Variants in SEC16B observed in about 807,000 individuals in gnomAD.
The protein encoded by SEC16B is protein transport protein Sec16B.
SEC16B carries 115 observed loss-of-function variants against 141.8 expected under a neutral mutation model. The observed-to-expected ratio is 0.81, with a 90% CI of 0.70 to 0.95. The LOEUF is 0.95. Ranked by LOEUF, SEC16B falls within the 40% of genes least tolerant of loss-of-function variation. The probability of loss-of-function intolerance (pLI) is 0.00; values close to 1 mark genes in which losing one functional copy is unlikely to be tolerated. For missense variants in SEC16B, 1,291 were observed against 1,312.3 expected (o/e 0.98, Z 0.25); for synonymous variants, 493 against 492.5 (o/e 1.00, Z -0.01).
At chr1:177,939,289 C>T (rs1045074788) in intron 18 of SEC16B, among the ~76,000 whole-genome samples, 14 of 152,214 alleles carry the variant, frequency 9.2e-5, no homozygotes, top group African/African-American at 3.4e-4. Context: ...ATTCCACAAT[C>T]ATCTGGCAAT....
At chr1:177,952,262 C>A (rs753193775) in intron 11 of SEC16B, among the ~76,000 whole-genome samples, 1 of 152,180 alleles carries the variant, frequency 6.6e-6, no homozygotes, top group Non-Finnish European at 1.5e-5. Flanking sequence ...CTGGAATAAC[C>A]ATTTCTGTGG....
chr1:177,933,995 CAA>C (rs796164709), intron 20 of SEC16B, among the ~76,000 whole-genome samples: 24 of 144,574 alleles, frequency 1.7e-4, no homozygotes, highest in African/African-American at 4.4e-4. Context: ...AAGCTCCCCC[CAA>C]AAAAAAAAAA....
In SEC16B at chr1:177,937,477, C is replaced by A. The variant is rs763746605; in HGVS notation, c.2240G>T (p.Gly747Val). ...GCGGTACCCAGGGGCTTCAGAGTAG[C>A]CTTGACATCCAGAAAAGTCCTGGTA... ...TFYQDFSGCQ[G>V]YSEAPGYRSA... The change falls in exon 19 of 26, where the codon GGC becomes GTC. Residue 747 changes from glycine (G) to valine (V), a missense_variant. Gly to Val is a moderately radical substitution (Grantham distance 109). Around this residue, in one of 3 missense-constraint regions of SEC16B, gnomAD observed 605 missense variants for 614.1 expected, o/e 0.99. Coordinates refer to ENST00000308284, the MANE Select transcript of SEC16B (RefSeq NM_033127.4). The A allele has an allele frequency of 1.3e-6, 2 of 1,573,900 alleles. No individual in the cohort carries two copies. The highest frequency in any genetic ancestry group is 1.7e-6 in the Non-Finnish European group (2 of 1,161,280).
intron 17 of SEC16B, 66 bp from the exon 18 acceptor site, chr1:177,939,843 G>T: frequency 1.5e-6 from 2 of 1,302,062 alleles, no homozygotes; most frequent in Non-Finnish European, 2.1e-6. Flanking sequence ...GAGAAACAAA[G>T]TGATTCAAAA....
At chr1:177,967,292 G>A (rs1038741323) in intron 2 of SEC16B, among the ~76,000 whole-genome samples, 1 of 152,128 alleles carries the variant, frequency 6.6e-6, no homozygotes, top group South Asian at 2.1e-4. Context: ...ATGACAACGA[G>A]GAACTCCTTA....
At chr1:177,980,531 T>C (rs2102030995) in intron 1 of SEC16B, among the ~76,000 whole-genome samples, 1 of 152,212 alleles carries the variant, frequency 6.6e-6, no homozygotes. Context: ...TTATTGTGTA[T>C]TTCTTGAATA....
intron 3 of SEC16B, 151 bp downstream of exon 3, chr1:177,965,742 C>G (rs1227189015): frequency 3.8e-5 from 22 of 582,934 alleles, no homozygotes; most frequent in African/African-American, 5.6e-5. Flanking sequence ...CTCAGGACAT[C>G]TAGGAGGAGT....
rs556572050 is a variant in SEC16B, at chr1:177,934,205, T to C, written c.2572-569A>G. Among the ~76,000 whole-genome samples, 11 of 152,306 alleles carry C rather than the reference T, an allele frequency of 7.2e-5. No individual in the cohort carries two copies. In the South Asian group the frequency reaches 1.0e-3, roughly 14 times the overall value. On this transcript the variant is annotated intron_variant, in intron 20 of 25. Coordinates refer to ENST00000308284, the MANE Select transcript of SEC16B (RefSeq NM_033127.4). Reference sequence around the variant, plus strand: ...ATTTTAACTATTTTTAAATGTACAATTCAGTGGCAGTAAGTATACACACAG... The same window carrying C: ...ATTTTAACTATTTTTAAATGTACAACTCAGTGGCAGTAAGTATACACACAG...
chr1:177,953,514 G>A (rs1652364659), intron 11 of SEC16B, among the ~76,000 whole-genome samples: 1 of 152,130 alleles, frequency 6.6e-6, no homozygotes, highest in Non-Finnish European at 1.5e-5. Context: ...CCAACCTGTG[G>A]ATGCTAGGCG....
chr1:177,956,563 T>C (rs1652618123), intron 10 of SEC16B, among the ~76,000 whole-genome samples: 1 of 151,844 alleles, frequency 6.6e-6, no homozygotes, highest in Non-Finnish European at 1.5e-5. Flanking sequence ...ATTTTAATTT[T>C]TGAATTAAAT....
Position 177,964,237 on chromosome 1 carries a change from G to A in SEC16B, c.576C>T (p.Asn192=), listed in dbSNP as rs201996138. ...RNPCKDSPAS[N]SGQEWPGELF... The stretch of plus-strand genomic sequence containing the variant: ...GCTCCCCCGGCCACTCCTGTCCAGA[G>A]TTGGAAGCAGGGCTGTCTTTACAAG... Residue 192 remains asparagine, a synonymous_variant, in exon 5 of 26, where the codon AAC becomes AAT. Transcript: ENST00000308284. The A allele has an allele frequency of 2.4e-4, 395 of 1,613,630 alleles. No homozygotes were observed. The highest frequency in any genetic ancestry group is 8.3e-5 in the Admixed American group (5 of 59,996).
At chr1:177,956,294 T>G (rs2101967426) in intron 10 of SEC16B, among the ~76,000 whole-genome samples, 1 of 152,186 alleles carries the variant, frequency 6.6e-6, no homozygotes, top group East Asian at 1.9e-4. Flanking sequence ...ACCCCATGGC[T>G]TGCAAAATGT....
intron 17 of SEC16B, among the ~76,000 whole-genome samples, chr1:177,940,028 TA>T (rs1651160860): frequency 6.6e-6 from 1 of 152,036 alleles, no homozygotes; most frequent in Non-Finnish European, 1.5e-5. Flanking sequence ...TGGAAAGAAC[TA>T]AACTGTAGGC....
At chr1:177,953,003 A>ATT (rs59988344) in intron 11 of SEC16B, among the ~76,000 whole-genome samples, 35,110 of 127,818 alleles carry the variant, frequency 0.27, 5,686 homozygotes, top group East Asian at 0.6. Context: ...TGGAAGTGTC[A>ATT]TTTTTTTTTT....
chr1:177,969,676 A>C (rs1204446226), intron 1 of SEC16B, among the ~76,000 whole-genome samples: 1 of 152,174 alleles, frequency 6.6e-6, no homozygotes, highest in Non-Finnish European at 1.5e-5. Flanking sequence ...AACTCCAGCA[A>C]ATCAGTCCTC....
chr1:177,958,556 G>A (rs1025102188), intron 9 of SEC16B, 194 bp from the exon 10 acceptor site: 2 of 603,798 alleles, frequency 3.3e-6, no homozygotes, highest in African/African-American at 1.9e-5. Flanking sequence ...CTGCCTGTCA[G>A]GAGCCATAAA....
chr1:177,945,439 TG>T (rs1187590961), intron 14 of SEC16B: 5 of 152,248 alleles, frequency 3.3e-5, no homozygotes, highest in African/African-American at 1.2e-4. Context: ...ATTGTACATT[TG>T]GCACAGAAGG....
intron 2 of SEC16B, among the ~76,000 whole-genome samples, chr1:177,967,282 A>G (rs939192632): frequency 4.6e-5 from 7 of 152,182 alleles, no homozygotes; most frequent in Non-Finnish European, 8.8e-5. Context: ...GAGTGGTCCA[A>G]TGACAACGAG....
At chr1:177,933,987 G>GCC (rs200989084) in intron 20 of SEC16B, among the ~76,000 whole-genome samples, 317 of 144,826 alleles carry the variant, frequency 2.2e-3, no homozygotes, top group African/African-American at 7.6e-3. Flanking sequence ...AGGCCCACAA[G>GCC]CTCCCCCCAA....
Sources: allele counts gnomAD v4.1 joint callset (sites outside exome capture counted in the v4.1 genomes callset), GRCh38; gene constraint gnomAD v4.1.1; regional missense constraint gnomAD v4.1.1; transcripts MANE v1.5; gene names NCBI Gene and HGNC (gene_info 2026-07-23, HGNC 2026-07-21).